The following CRYBG1 variants were observed in gnomAD, a reference collection of about 807,000 sequenced individuals.
CRYBG1 encodes the protein crystallin beta-gamma domain containing 1.
In CRYBG1, 139 loss-of-function variants were observed where a neutral mutation model predicts 189.2. The ratio of observed to expected loss-of-function variants is 0.73; its 90% CI spans 0.64 to 0.85. The LOEUF is 0.85. Ranked by LOEUF, CRYBG1 falls within the 40% of genes least tolerant of loss-of-function variation. The pLI, the probability that CRYBG1 is intolerant of heterozygous loss-of-function variation, is 0.00. For synonymous variants in CRYBG1, 1,023 were observed against 1,017.1 expected, an observed-to-expected ratio of 1.01 and a Z score of -0.11; for missense variants, 2,611 against 2,675.8, an observed-to-expected ratio of 0.98 and a Z score of 0.53.
chr6:106,397,101 A>C (rs1770628266), intron 1 of CRYBG1, among the ~76,000 whole-genome samples: 1 of 152,238 alleles, frequency 6.6e-6, no homozygotes, highest in Admixed American at 6.5e-5. Flanking sequence ...GTCTTTTACC[A>C]ATTCTTTTTT....
At chr6:106,541,227 C>T (rs970849748) in intron 9 of CRYBG1, 10 of 487,604 alleles carry the variant, frequency 2.1e-5, no homozygotes, top group Non-Finnish European at 2.9e-5. Context: ...AATGCAGAAG[C>T]CGAAGACAGT....
chr6:106,412,710 C>G (rs1770951788), intron 1 of CRYBG1, among the ~76,000 whole-genome samples: 1 of 152,062 alleles, frequency 6.6e-6, no homozygotes. Context: ...AGTTGGGAAA[C>G]ATTAAAACAA....
At chr6:106,381,861 T>C (rs1770296159) in intron 1 of CRYBG1, among the ~76,000 whole-genome samples, 1 of 152,192 alleles carries the variant, frequency 6.6e-6, no homozygotes, top group African/African-American at 2.4e-5. Context: ...GGCTATATTA[T>C]CTTGAGGAGA....
chr6:106,442,673 G>A (rs745618258), intron 1 of CRYBG1, among the ~76,000 whole-genome samples: 3 of 152,114 alleles, frequency 2.0e-5, no homozygotes, highest in Non-Finnish European at 4.4e-5. Context: ...TGCAGAAAGC[G>A]CTTTGTATTC....
rs564128899 is a variant in CRYBG1, at chr6:106,440,467, A to G, written c.174-11227A>G. ...TTTTTGGTAGAGGCAGGGTTTCACT[A>G]TGTTGCCCAGGCTGGTCTCGAACCC... On this transcript the variant is annotated intron_variant, in intron 1 of 21. Coordinates refer to ENST00000633556, the MANE Select transcript of CRYBG1 (RefSeq NM_001371242.2). 2.4e-4 allele frequency among the ~76,000 whole-genome samples: 37 copies of G among 152,088 alleles called. No homozygotes were observed. The East Asian group carries it at 4.5e-3, about 18-fold the overall frequency.
intron 2 of CRYBG1, among the ~76,000 whole-genome samples, chr6:106,467,038 A>T (rs1457326581): frequency 6.6e-6 from 1 of 152,246 alleles, no homozygotes; most frequent in African/African-American, 2.4e-5. Context: ...ATGGGCTTGT[A>T]TTAAGATAGA....
At chr6:106,460,036 G>GT (rs1013042980) in intron 2 of CRYBG1, among the ~76,000 whole-genome samples, 2 of 151,886 alleles carry the variant, frequency 1.3e-5, no homozygotes, top group Middle Eastern at 3.4e-3. Flanking sequence ...TTGTTTGTTT[G>GT]TTTTTTTGAG....
intron 8 of CRYBG1, among the ~76,000 whole-genome samples, chr6:106,538,541 G>A (rs573194579): frequency 6.6e-6 from 1 of 152,128 alleles, no homozygotes; most frequent in South Asian, 2.1e-4. Context: ...CTGAGTAACT[G>A]TGAAAAGAGT....
At position 106,469,181 on chromosome 6, in the gene CRYBG1, T is replaced by C. The variant is rs534978627; in HGVS notation, c.312+17349T>C. Among the ~76,000 whole-genome samples, 7 of 152,340 alleles carry C rather than the reference T, an allele frequency of 4.6e-5. No individual in the cohort carries two copies. In the East Asian group the frequency reaches 1.3e-3, roughly 29 times the overall value. ...CTTGCCTTAGGAATGTGGTATTACC[T>C]ATTGGCTCTGCCTAGAATGCACTTG... On this transcript the variant is annotated intron_variant, in intron 2 of 21. Transcript: ENST00000633556.
intron 11 of CRYBG1, among the ~76,000 whole-genome samples, chr6:106,544,039 C>T (rs566033986): frequency 6.6e-6 from 1 of 152,142 alleles, no homozygotes; most frequent in Non-Finnish European, 1.5e-5. Flanking sequence ...GCAACAAGAG[C>T]GAAACTCTGT....
At chr6:106,388,167 C>T (rs1770427380) in intron 1 of CRYBG1, among the ~76,000 whole-genome samples, 1 of 152,146 alleles carries the variant, frequency 6.6e-6, no homozygotes, top group African/African-American at 2.4e-5. Flanking sequence ...CTCCTGCTGC[C>T]ACAATAGTAG....
At position 106,530,231 on chromosome 6, in the gene CRYBG1, T is replaced by C. The variant is rs1773846936; in HGVS notation, c.4634T>C (p.Leu1545Pro). 2 of 1,613,470 alleles carry C rather than the reference T, an allele frequency of 1.2e-6. No homozygotes were observed. Among genetic ancestry groups the C allele is most frequent in the South Asian group, 2.2e-5 (2 of 91,068 alleles). The change falls in exon 8 of 22, where the codon CTA (leucine) becomes CCA (proline). Residue 1545 changes from leucine to proline, a missense_variant. By Grantham distance (98) the Leu-to-Pro change is moderately conservative. This residue lies in a region of CRYBG1 where 1,622 missense variants were observed against 1,735.0 expected (regional missense o/e 0.93). Transcript: ENST00000633556. ...LFTEPEGLGILSSYFDDTEEM... is the reference protein window; with the variant it reads ...LFTEPEGLGIPSSYFDDTEEM... ...ACTGAACCAGAAGGGTTAGGAATCC[T>C]AAGTTCCTACTTTGATGATACTGAA...
chr6:106,448,076 C>A (rs760599753), intron 1 of CRYBG1, among the ~76,000 whole-genome samples: 2 of 152,154 alleles, frequency 1.3e-5, no homozygotes, highest in Non-Finnish European at 2.9e-5. Context: ...CCTGGGACGG[C>A]CTGAGTTTCC....
chr6:106,430,576 A>G (rs1367308083), intron 1 of CRYBG1, among the ~76,000 whole-genome samples: 1 of 152,308 alleles, frequency 6.6e-6, no homozygotes, highest in East Asian at 1.9e-4. Flanking sequence ...GGGAACGTGT[A>G]ACATGGCTCC....
chr6:106,551,934 G>A lies in CRYBG1; in HGVS notation c.5395G>A (p.Gly1799Arg). Residue 1799 changes from glycine (G) to arginine (R), a missense_variant, in exon 14 of 22, where the codon GGA (glycine) becomes AGA (arginine). Physicochemically the swap from Gly to Arg is moderately radical, Grantham distance 125. This residue lies in a region of CRYBG1 where 1,622 missense variants were observed against 1,735.0 expected (regional missense o/e 0.93). Transcript: ENST00000633556. ...ATTTTATACCAGTTTTGAGGACTGG[G>A]GAGGCAAAAATTGTAAGATCTCTTC... Reference protein sequence around the residue: ...KGFYTSFEDWGGKNCKISSVQ... With the variant: ...KGFYTSFEDWRGKNCKISSVQ... 1.9e-6 allele frequency: 3 copies of A among 1,611,430 alleles called. No homozygotes were observed. The highest frequency in any genetic ancestry group is 2.5e-6 in the Non-Finnish European group (3 of 1,178,188).
chr6:106,469,314 T>C (rs561969222), intron 2 of CRYBG1, among the ~76,000 whole-genome samples: 3 of 152,378 alleles, frequency 2.0e-5, no homozygotes, highest in Admixed American at 1.3e-4. Context: ...CATGAGTTAT[T>C]TGCAGAGTAC....
chr6:106,553,627 C>A (rs1233728080), intron 16 of CRYBG1, 60 bp downstream of exon 16: 1 of 1,149,032 alleles, frequency 8.7e-7, no homozygotes, highest in Non-Finnish European at 1.3e-6. Flanking sequence ...ATTCACACAT[C>A]AGCAAGTATA....
At chr6:106,539,372 C>T in intron 8 of CRYBG1, 31 bp from the exon 9 acceptor site, 1 of 1,610,002 alleles carries the variant, frequency 6.2e-7, no homozygotes, top group Middle Eastern at 1.7e-4. Flanking sequence ...TGAGTCGGCT[C>T]CCTTTCTTTC....
At chr6:106,425,034 C>G (rs1771200643) in intron 1 of CRYBG1, among the ~76,000 whole-genome samples, 1 of 152,184 alleles carries the variant, frequency 6.6e-6, no homozygotes, top group African/African-American at 2.4e-5. Context: ...TTTCTTGCCT[C>G]CCTCGTCAGC....
Sources: gnomAD v4.1 joint callset for allele counts (sites outside exome capture counted in the v4.1 genomes callset) on GRCh38, gnomAD v4.1.1 for gene constraint, gnomAD v4.1.1 regional missense constraint, MANE v1.5 for transcripts, NCBI Gene and HGNC (gene_info 2026-07-23, HGNC 2026-07-21) for gene names.